The following SIRPA variants were observed in gnomAD, a reference collection of about 807,000 sequenced individuals.
SIRPA encodes tyrosine-protein phosphatase non-receptor type substrate 1.
SIRPA carries 9 observed loss-of-function variants against 50.3 expected under a neutral mutation model. That is an observed-to-expected ratio of 0.18 (90% CI 0.11 to 0.31). The LOEUF (loss-of-function observed/expected upper bound fraction) is 0.31, where lower values mean the gene tolerates loss of function less well. SIRPA is among the 10% of genes least tolerant of loss of function. The probability of loss-of-function intolerance (pLI) is 1.00; values close to 1 mark genes in which losing one functional copy is unlikely to be tolerated. For synonymous variants in SIRPA, 265 were observed against 284.1 expected (o/e 0.93, Z 0.68); for missense variants, 474 against 661.6 (o/e 0.72, Z 3.11).
At position 1,937,694 on chromosome 20, in the gene SIRPA, G is replaced by A. The variant is rs1986672119; in HGVS notation, c.*126G>A. 4 of 1,274,996 alleles carry A rather than the reference G, an allele frequency of 3.1e-6. No individual in the cohort carries two copies. In the African/African-American group the frequency reaches 4.5e-5, roughly 14 times the overall value. 79.0% of individuals were successfully genotyped at this position (1,274,996 alleles called of 1,614,324 possible). On this transcript the variant is annotated 3_prime_UTR_variant, in exon 8 of 8. Coordinates refer to ENST00000358771, the MANE Select transcript of SIRPA (RefSeq NM_001040023.2). This position sits in a 1 kb window ranked among gnomAD's most constrained non-coding sequence, Gnocchi z 8.3. ...GGCGGTGCAGGCTCTGGGACCCAGGGGCCAGGGTGGCTCTTCTCTCCCCAC... is the reference window on the plus strand; with the variant it reads ...GGCGGTGCAGGCTCTGGGACCCAGGAGCCAGGGTGGCTCTTCTCTCCCCAC...
intron 1 of SIRPA, among the ~76,000 whole-genome samples, chr20:1,908,050 C>T (rs1984650253): frequency 6.6e-6 from 1 of 152,184 alleles, no homozygotes; most frequent in Non-Finnish European, 1.5e-5. Context: ...AAGGTTAGCA[C>T]CTCCTATCAA....
chr20:1,915,545 GTGGTAGGTGCTCCTTTCCATGAAT>G, intron 2 of SIRPA, 90 bp downstream of exon 2: 2 of 1,466,568 alleles, frequency 1.4e-6, no homozygotes, highest in Non-Finnish European at 1.9e-6. Flanking sequence ...ATCAGGTGTG[GTGGTAGGTGCTCCTTTCCATGAAT>G]TGATGTCTCC....
intron 1 of SIRPA, among the ~76,000 whole-genome samples, chr20:1,902,292 C>T (rs555325767): frequency 6.6e-6 from 1 of 152,206 alleles, no homozygotes; most frequent in East Asian, 1.9e-4. Context: ...TCACCACGAG[C>T]CAAACAGTAT....
rs1186784551 is a variant in SIRPA at position 1,927,317 on chromosome 20, T to G, written c.1202-558T>G. 1.3e-5 allele frequency among the ~76,000 whole-genome samples: 2 copies of G among 152,228 alleles called. No homozygotes were observed. The highest frequency in any genetic ancestry group is 2.9e-5 in the Non-Finnish European group (2 of 68,036). On this transcript the variant is annotated intron_variant, in intron 5 of 7. Coordinates refer to ENST00000358771, the MANE Select transcript of SIRPA (RefSeq NM_001040023.2). The surrounding 1 kb of genome is among the most constrained non-coding windows in gnomAD (Gnocchi z 6.5). ...AAACCTCTGAACCAGATGGACACTTTCTTTCCTTCCAAGATCCTTTTTTTG... is the reference window on the plus strand; with the variant it reads ...AAACCTCTGAACCAGATGGACACTTGCTTTCCTTCCAAGATCCTTTTTTTG...
Position 1,918,360 on chromosome 20 carries a change from C to CCTTTTT in SIRPA, c.436+2905_436+2906insCTTTTT, listed in dbSNP as rs745958149. ...ACAGGGGCACCCACCACCACACCAG[C>CCTTTTT]TTTTTTTTTTTTTTTTTTTTTTTGT... On this transcript the variant is annotated intron_variant, in intron 2 of 7. Transcript: ENST00000358771. Among the ~76,000 whole-genome samples, 16 of 95,684 alleles carry CCTTTTT rather than the reference C, an allele frequency of 1.7e-4. 2 individuals carry two copies. Among genetic ancestry groups the CCTTTTT allele is most frequent in the Non-Finnish European group, 1.4e-4 (7 of 49,062 alleles). The allele number at this position is 95,684 out of a possible 152,430, so 62.8% of individuals were successfully genotyped here.
chr20:1,904,910 A>AT (rs1383180773), intron 1 of SIRPA, among the ~76,000 whole-genome samples: 1 of 152,090 alleles, frequency 6.6e-6, no homozygotes, highest in African/African-American at 2.4e-5. Flanking sequence ...TCTGGGGCAC[A>AT]TTCCTGAATT....
Position 1,936,520 on chromosome 20 carries a change from T to G in SIRPA, c.1267-800T>G, listed in dbSNP as rs982170543. Among the ~76,000 whole-genome samples, 1 of 152,156 alleles carries G rather than the reference T, an allele frequency of 6.6e-6. No homozygotes were observed. Among genetic ancestry groups the G allele is most frequent in the African/African-American group, 2.4e-5 (1 of 41,418 alleles). On this transcript the variant is annotated intron_variant, in intron 7 of 7. Transcript: ENST00000358771. The surrounding 1 kb of genome is among the most constrained non-coding windows in gnomAD (Gnocchi z 4.2). ...TAGAACCAGGATTCAAACCCAGGCT[T>G]TCTGACTCCAGAACGTTTCCCGCTT...
rs1247417519 is a variant in SIRPA at position 1,934,301 on chromosome 20, A to AATTCC, written c.1227-413_1227-409dup. On this transcript the variant is annotated intron_variant, in intron 6 of 7. Transcript: ENST00000358771. The surrounding 1 kb of genome is among the most constrained non-coding windows in gnomAD (Gnocchi z 4.6). The stretch of plus-strand genomic sequence containing the variant: ...TGTTGAAAGCTTTTTCTATATTTTG[A>AATTCC]ATTCCCCCAAAAAAAAGTGCAATTA... 1.3e-4 allele frequency among the ~76,000 whole-genome samples: 20 copies of AATTCC among 152,234 alleles called. No homozygotes were observed. The highest frequency in any genetic ancestry group is 4.6e-4 in the African/African-American group (19 of 41,516).
chr20:1,895,109 C>T (rs1208667215), upstream of SIRPA, among the ~76,000 whole-genome samples: 2 of 151,578 alleles, frequency 1.3e-5, no homozygotes, highest in Non-Finnish European at 1.5e-5. Context: ...CCTCTTTCTC[C>T]CCCTCTCGCC....
chr20:1,938,606 A>T lies in SIRPA; in HGVS notation c.*1038A>T, dbSNP rs1986727454. On this transcript the variant is annotated 3_prime_UTR_variant, in exon 8 of 8. Coordinates refer to ENST00000358771, the MANE Select transcript of SIRPA (RefSeq NM_001040023.2). ...AGAACCCCAAGAATGGGCAAGAAGG[A>T]TCAGGTCAGCCACTCCCTGGAGACA... is the stretch of plus-strand genomic sequence containing the variant. 1 of 152,622 alleles carries T rather than the reference A, an allele frequency of 6.6e-6. No homozygotes were observed. The highest frequency in any genetic ancestry group is 1.5e-5 in the Non-Finnish European group (1 of 68,052). The allele number at this position is 152,622 out of a possible 1,614,324, so 9.5% of individuals were successfully genotyped here.
Position 1,924,696 on chromosome 20 carries a change from G to A in SIRPA, c.1088-68G>A, listed in dbSNP as rs1985875139. Reference sequence around the variant, plus strand: ...AATGATGCCTGCTTAGTGGTGAAAAGCAGTGGTGGGTTTGGTTTTCTGTTT... The same window carrying A: ...AATGATGCCTGCTTAGTGGTGAAAAACAGTGGTGGGTTTGGTTTTCTGTTT... On this transcript the variant is annotated intron_variant, in intron 4 of 7. Transcript: ENST00000358771. This position sits in a 1 kb window ranked among gnomAD's most constrained non-coding sequence, Gnocchi z 4.5. 1 of 1,282,436 alleles carries A rather than the reference G, an allele frequency of 7.8e-7. No individual in the cohort carries two copies. The highest frequency in any genetic ancestry group is 1.5e-5 in the African/African-American group (1 of 68,410). The allele number at this position is 1,282,436 out of a possible 1,614,324, so 79.4% of individuals were successfully genotyped here.
At chr20:1,901,472 C>T (rs566320637) in intron 1 of SIRPA, among the ~76,000 whole-genome samples, 3 of 151,936 alleles carry the variant, frequency 2.0e-5, no homozygotes, top group Non-Finnish European at 2.9e-5. Flanking sequence ...CACCCGGCCT[C>T]CTCTCGTATT....
At chr20:1,915,073 A>G in intron 1 of SIRPA, 26 bp from the exon 2 acceptor site, 1 of 1,576,570 alleles carries the variant, frequency 6.3e-7, no homozygotes, top group Non-Finnish European at 8.7e-7. Context: ...AGGATGAAAA[A>G]ATGACTGCTT....
At chr20:1,921,794 C>G in intron 3 of SIRPA, 82 bp downstream of exon 3, 1 of 1,542,784 alleles carries the variant, frequency 6.5e-7, no homozygotes, top group Non-Finnish European at 8.9e-7. Context: ...CAGCTCTACT[C>G]TTGCTCCAGG....
In SIRPA at chr20:1,922,347, G is replaced by C; in HGVS notation, c.789G>C (p.Val263=). The C allele has an allele frequency of 1.2e-6, 2 of 1,614,160 alleles. No individual in the cohort carries two copies. The highest frequency in any genetic ancestry group is 2.2e-5 in the East Asian group (1 of 44,874). The change falls in exon 4 of 8, where the codon GTG becomes GTC. Residue 263 remains valine (V), a synonymous_variant. Coordinates refer to ENST00000358771, the MANE Select transcript of SIRPA (RefSeq NM_001040023.2). ...PPTLEVTQQP[V]RAENQVNVTC... ...CCTTGGAGGTTACTCAACAGCCCGT[G>C]AGGGCAGAGAACCAGGTGAATGTCA...
chr20:1,895,536 C>T lies in SIRPA; in HGVS notation c.79+10C>T. The T allele has an allele frequency of 6.9e-7, 1 of 1,441,158 alleles. No homozygotes were observed. 89.3% of individuals were successfully genotyped at this position (1,441,158 alleles called of 1,614,324 possible). On this transcript the variant is annotated intron_variant, in intron 1 of 7. Coordinates refer to ENST00000358771, the MANE Select transcript of SIRPA (RefSeq NM_001040023.2). Reference sequence around the variant, plus strand: ...TCCTGCGCCTGGTCAGGTAAGCACCCCCCCGCTCCCCACCGCTGCACTCCC... The same window carrying T: ...TCCTGCGCCTGGTCAGGTAAGCACCTCCCCGCTCCCCACCGCTGCACTCCC...
chr20:1,917,574 G>A (rs1406236407), intron 2 of SIRPA, among the ~76,000 whole-genome samples: 1 of 152,190 alleles, frequency 6.6e-6, no homozygotes, highest in Non-Finnish European at 1.5e-5. Context: ...ATGGGAGTAG[G>A]AGGGACTGGC....
intron 1 of SIRPA, among the ~76,000 whole-genome samples, chr20:1,904,296 T>C (rs1984416529): frequency 6.6e-6 from 1 of 152,202 alleles, no homozygotes; most frequent in Non-Finnish European, 1.5e-5. Context: ...CTTGCCCAAC[T>C]TTAGACACCA....
chr20:1,934,899 C>T lies in SIRPA; in HGVS notation c.1266+145C>T. ...CTTACACTCCTAGCTTTCCCCATGTCCTGTGCATATTCCTTCTCTCTACTG... is the reference window on the plus strand; with the variant it reads ...CTTACACTCCTAGCTTTCCCCATGTTCTGTGCATATTCCTTCTCTCTACTG... On this transcript the variant is annotated intron_variant, in intron 7 of 7. Coordinates refer to ENST00000358771, the MANE Select transcript of SIRPA (RefSeq NM_001040023.2). The surrounding 1 kb of genome is among the most constrained non-coding windows in gnomAD (Gnocchi z 4.6). 1 of 857,664 alleles carries T rather than the reference C, an allele frequency of 1.2e-6. No homozygotes were observed. The allele number at this position is 857,664 out of a possible 1,614,324, so 53.1% of individuals were successfully genotyped here. A position where few individuals can be genotyped will look rare whatever the true frequency, so the allele number is the denominator to read the frequency against.
Sources: gnomAD v4.1 joint callset for allele counts (sites outside exome capture counted in the v4.1 genomes callset) on GRCh38, gnomAD v4.1.1 for gene constraint, Gnocchi (gnomAD v3.1) non-coding constraint, MANE v1.5 for transcripts, NCBI Gene and HGNC (gene_info 2026-07-23, HGNC 2026-07-21) for gene names.